The following PLPPR1 variants were observed in gnomAD, a reference collection of about 807,000 sequenced individuals.
The protein encoded by PLPPR1 is phospholipid phosphatase related 1.
In PLPPR1, 10 loss-of-function variants were observed where a neutral mutation model predicts 33.1. That is an observed-to-expected ratio of 0.30 (90% CI 0.19 to 0.51). The LOEUF (loss-of-function observed/expected upper bound fraction) is 0.51, where lower values mean the gene tolerates loss of function less well. Among genes scored for constraint, PLPPR1 ranks in the 20% least tolerant of loss-of-function variants. The pLI is 0.97. For missense variants in PLPPR1, 304 were observed against 408.1 expected, an observed-to-expected ratio of 0.74 and a Z score of 2.20; for synonymous variants, 151 against 151.0, an observed-to-expected ratio of 1.00 and a Z score of 0.00.
intron 1 of PLPPR1, among the ~76,000 whole-genome samples, chr9:101,089,717 A>T (rs955562761): frequency 2.0e-5 from 3 of 152,122 alleles, no homozygotes; most frequent in African/African-American, 7.2e-5. Context: ...TTGTTTTTCT[A>T]ATTTTTCATC....
chr9:101,158,936 T>C (rs1214340080), intron 1 of PLPPR1, among the ~76,000 whole-genome samples: 1 of 152,198 alleles, frequency 6.6e-6, no homozygotes, highest in Non-Finnish European at 1.5e-5. Flanking sequence ...AATGGAGGCA[T>C]GGCATTGAAT....
intron 1 of PLPPR1, among the ~76,000 whole-genome samples, chr9:101,048,680 A>T (rs1830181961): frequency 6.6e-6 from 1 of 152,222 alleles, no homozygotes; most frequent in Non-Finnish European, 1.5e-5. Flanking sequence ...TTATAATAGG[A>T]AACATGCACA....
intron 2 of PLPPR1, among the ~76,000 whole-genome samples, chr9:101,196,139 G>A (rs780282253): frequency 6.6e-6 from 1 of 152,006 alleles, no homozygotes; most frequent in Non-Finnish European, 1.5e-5. Context: ...TGTGTGGCTG[G>A]CCAAGGTATT....
chr9:101,305,450 A>G (rs7864689), intron 4 of PLPPR1, among the ~76,000 whole-genome samples: 2,568 of 152,244 alleles, frequency 0.017, 47 homozygotes, highest in African/African-American at 0.048. Flanking sequence ...TGACTGGAGA[A>G]TTACACATTT....
intron 2 of PLPPR1, among the ~76,000 whole-genome samples, chr9:101,192,552 G>T (rs987488929): frequency 1.3e-5 from 2 of 152,106 alleles, no homozygotes; most frequent in African/African-American, 4.8e-5. Flanking sequence ...AAACGTGGCT[G>T]TACCTGAATG....
intron 1 of PLPPR1, among the ~76,000 whole-genome samples, chr9:101,088,225 T>G (rs1302335654): frequency 6.6e-6 from 1 of 152,160 alleles, no homozygotes; most frequent in Non-Finnish European, 1.5e-5. Context: ...AAAGTGACTT[T>G]GAGGACCAAT....
intron 1 of PLPPR1, among the ~76,000 whole-genome samples, chr9:101,084,578 ACC>A (rs1830656450): frequency 2.6e-5 from 4 of 152,186 alleles, no homozygotes; most frequent in African/African-American, 9.6e-5. Context: ...AAAGCGGAAA[ACC>A]AGAGCTTCAT....
chr9:101,186,248 T>G (rs751968362), intron 2 of PLPPR1, among the ~76,000 whole-genome samples: 1 of 151,878 alleles, frequency 6.6e-6, no homozygotes, highest in African/African-American at 2.4e-5. Context: ...GCTTTCTAGG[T>G]TATCTCAAAA....
At chr9:101,175,361 GA>G (rs1314566386) in intron 1 of PLPPR1, among the ~76,000 whole-genome samples, 2 of 151,930 alleles carry the variant, frequency 1.3e-5, no homozygotes, top group East Asian at 3.9e-4. Context: ...ATTATATATT[GA>G]AAACATTTTT....
At chr9:101,288,930 GC>G (rs1828444568) in intron 4 of PLPPR1, among the ~76,000 whole-genome samples, 1 of 152,146 alleles carries the variant, frequency 6.6e-6, no homozygotes, top group Non-Finnish European at 1.5e-5. Context: ...GCTTTTTGAA[GC>G]AAAAATATGA....
At chr9:101,040,475 C>A (rs1830063472) in intron 1 of PLPPR1, among the ~76,000 whole-genome samples, 1 of 152,174 alleles carries the variant, frequency 6.6e-6, no homozygotes, top group African/African-American at 2.4e-5. Context: ...AAGATAGAAT[C>A]TGATTGGGTG....
intron 2 of PLPPR1, among the ~76,000 whole-genome samples, chr9:101,209,776 G>A (rs1300370146): frequency 2.0e-5 from 3 of 152,260 alleles, no homozygotes; most frequent in East Asian, 1.9e-4. Flanking sequence ...TCACTCTAAC[G>A]AATTACTGCA....
At chr9:101,273,898 T>G (rs1000050780) in intron 3 of PLPPR1, among the ~76,000 whole-genome samples, 5 of 152,172 alleles carry the variant, frequency 3.3e-5, no homozygotes, top group Non-Finnish European at 7.4e-5. Context: ...AATAAAAACA[T>G]ACATCACCAA....
chr9:101,279,438 A>G (rs1224944558), intron 3 of PLPPR1, among the ~76,000 whole-genome samples: 1 of 152,220 alleles, frequency 6.6e-6, no homozygotes, highest in Non-Finnish European at 1.5e-5. Flanking sequence ...CAGAAAATCA[A>G]TAAAGGAACA....
At chr9:101,059,298 A>G (rs1830314807) in intron 1 of PLPPR1, among the ~76,000 whole-genome samples, 1 of 152,134 alleles carries the variant, frequency 6.6e-6, no homozygotes, top group Admixed American at 6.6e-5. Context: ...ACTCTCTGAA[A>G]AGGTTTTAGC....
chr9:101,127,864 G>A (rs927693435), intron 1 of PLPPR1, among the ~76,000 whole-genome samples: 8 of 152,138 alleles, frequency 5.3e-5, no homozygotes, highest in Non-Finnish European at 1.0e-4. Flanking sequence ...TTCCCAGGAA[G>A]GGGTGGGGTA....
At chr9:101,317,802 GA>G (rs1277951664) in intron 7 of PLPPR1, among the ~76,000 whole-genome samples, 6 of 152,048 alleles carry the variant, frequency 3.9e-5, no homozygotes, top group Admixed American at 2.0e-4. Context: ...TAATCATATG[GA>G]AAAAAGCAAT....
intron 3 of PLPPR1, among the ~76,000 whole-genome samples, chr9:101,273,050 TTTGAAACACCTTAAGTAATG>T (rs1367272144): frequency 2.0e-5 from 3 of 152,228 alleles, no homozygotes; most frequent in African/African-American, 7.2e-5. Context: ...CAGCCATGTT[TTTGAAACACCTTAAGTAATG>T]ATGGAACATG....
At chr9:101,085,142 A>G (rs984920162) in intron 1 of PLPPR1, among the ~76,000 whole-genome samples, 2 of 152,272 alleles carry the variant, frequency 1.3e-5, no homozygotes, top group East Asian at 3.9e-4. Context: ...TACCACTGTA[A>G]TGGGAATGGA....
Sources: gnomAD v4.1 joint callset for allele counts (sites outside exome capture counted in the v4.1 genomes callset) on GRCh38, gnomAD v4.1.1 for gene constraint, MANE v1.5 for transcripts, NCBI Gene and HGNC (gene_info 2026-07-23, HGNC 2026-07-21) for gene names.